The following NLGN1 variants were observed in gnomAD, a reference collection of about 807,000 sequenced individuals.
NLGN1 encodes the protein neuroligin-1.
A neutral mutation model predicts 65.5 loss-of-function variants in NLGN1; 12 were observed. The ratio of observed to expected loss-of-function variants is 0.18; its 90% CI spans 0.12 to 0.30. The LOEUF is 0.30. Among genes scored for constraint, NLGN1 ranks in the 10% least tolerant of loss-of-function variants. NLGN1 has a pLI of 1.00. For missense variants in NLGN1, 750 were observed against 1,007.1 expected (o/e 0.74, Z 3.46); for synonymous variants, 350 against 359.5 (o/e 0.97, Z 0.30).
intron 2 of NLGN1, among the ~76,000 whole-genome samples, chr3:173,553,438 A>G (rs928814913): frequency 1.3e-5 from 2 of 152,204 alleles, no homozygotes; most frequent in African/African-American, 4.8e-5. Flanking sequence ...TTGGTGCCAG[A>G]TAATTGAACT....
At chr3:173,798,575 T>A (rs1236681745) in intron 3 of NLGN1, among the ~76,000 whole-genome samples, 1 of 152,124 alleles carries the variant, frequency 6.6e-6, no homozygotes, top group Non-Finnish European at 1.5e-5. Flanking sequence ...AGGGTCATGT[T>A]AAATAAATGT....
chr3:173,489,654 C>T (rs1454138104), intron 2 of NLGN1, among the ~76,000 whole-genome samples: 5 of 151,998 alleles, frequency 3.3e-5, no homozygotes, highest in South Asian at 2.1e-4. Flanking sequence ...CCTGAGGAAT[C>T]GCCACACTGA....
At chr3:173,852,956 G>A (rs933220632) in intron 4 of NLGN1, among the ~76,000 whole-genome samples, 2 of 152,120 alleles carry the variant, frequency 1.3e-5, no homozygotes, top group Non-Finnish European at 2.9e-5. Flanking sequence ...ACTCTCAAGT[G>A]GGTTTATTTG....
chr3:173,781,741 C>G (rs1180468765), intron 3 of NLGN1, among the ~76,000 whole-genome samples: 1 of 152,002 alleles, frequency 6.6e-6, no homozygotes, highest in Non-Finnish European at 1.5e-5. Flanking sequence ...GCACATTAGC[C>G]CTTGGCATAC....
intron 4 of NLGN1, among the ~76,000 whole-genome samples, chr3:173,839,966 A>G (rs1724471166): frequency 6.6e-6 from 1 of 152,240 alleles, no homozygotes; most frequent in Non-Finnish European, 1.5e-5. Context: ...TCATGCGGCT[A>G]GTGTGGTAGA....
At chr3:174,209,961 T>C (rs922987813) in intron 4 of NLGN1, among the ~76,000 whole-genome samples, 1 of 152,124 alleles carries the variant, frequency 6.6e-6, no homozygotes, top group African/African-American at 2.4e-5. Context: ...GCATCCTCTA[T>C]CACCCTCATC....
chr3:173,495,141 A>G (rs934716726), intron 2 of NLGN1, among the ~76,000 whole-genome samples: 3 of 151,768 alleles, frequency 2.0e-5, no homozygotes, highest in African/African-American at 7.3e-5. Flanking sequence ...GAGTATAACT[A>G]TCTATATCTT....
intron 3 of NLGN1, among the ~76,000 whole-genome samples, chr3:173,770,771 G>A (rs1021015722): frequency 7.2e-5 from 11 of 152,130 alleles, no homozygotes; most frequent in Non-Finnish European, 7.4e-5. Context: ...TCCCAAAAAA[G>A]GCTTGAAGGG....
intron 4 of NLGN1, among the ~76,000 whole-genome samples, chr3:174,267,600 A>G (rs1748532316): frequency 1.3e-5 from 2 of 152,098 alleles, no homozygotes; most frequent in Non-Finnish European, 2.9e-5. Context: ...CATCTCGGAT[A>G]AGCCCCACCC....
intron 4 of NLGN1, among the ~76,000 whole-genome samples, chr3:173,963,168 A>G (rs1018906970): frequency 6.6e-6 from 1 of 152,176 alleles, no homozygotes. Flanking sequence ...CATCAATTCC[A>G]TAGTAAAAGC....
intron 4 of NLGN1, among the ~76,000 whole-genome samples, chr3:173,875,874 T>C (rs183319286): frequency 3.0e-4 from 46 of 152,276 alleles, no homozygotes; most frequent in Middle Eastern, 6.8e-3. Context: ...ACCTCAGATA[T>C]GACTTTGTAA....
At chr3:173,729,486 C>T (rs1325003495) in intron 3 of NLGN1, among the ~76,000 whole-genome samples, 2 of 151,966 alleles carry the variant, frequency 1.3e-5, no homozygotes, top group Non-Finnish European at 2.9e-5. Flanking sequence ...TACCCAGGGA[C>T]ATAAGTTGCG....
intron 3 of NLGN1, among the ~76,000 whole-genome samples, chr3:173,693,204 G>A (rs915767384): frequency 6.6e-6 from 1 of 152,074 alleles, no homozygotes; most frequent in African/African-American, 2.4e-5. Flanking sequence ...TGGTATTGAA[G>A]GAAGTGTTTT....
intron 4 of NLGN1, among the ~76,000 whole-genome samples, chr3:174,240,541 A>T (rs1742591061): frequency 6.6e-6 from 1 of 152,222 alleles, no homozygotes; most frequent in Non-Finnish European, 1.5e-5. Context: ...ATAGGAAAAA[A>T]GTCCGTAAGA....
At chr3:174,137,073 A>G (rs974170941) in intron 4 of NLGN1, among the ~76,000 whole-genome samples, 7 of 152,130 alleles carry the variant, frequency 4.6e-5, no homozygotes, top group African/African-American at 1.4e-4. Context: ...TGAATATCTC[A>G]TGTAATTTAT....
At chr3:174,273,883 T>TTTC (rs1749978628) in intron 4 of NLGN1, among the ~76,000 whole-genome samples, 1 of 151,116 alleles carries the variant, frequency 6.6e-6, no homozygotes, top group Non-Finnish European at 1.5e-5. Context: ...TCCTAGAGAA[T>TTTC]TTCTTATCCA....
chr3:174,088,685 G>A (rs766978346), intron 4 of NLGN1, among the ~76,000 whole-genome samples: 3 of 151,372 alleles, frequency 2.0e-5, no homozygotes, highest in Admixed American at 1.3e-4. Flanking sequence ...CTCGGGAGGC[G>A]GAGCTTGCAG....
At chr3:173,716,603 T>TC (rs1316311898) in intron 3 of NLGN1, among the ~76,000 whole-genome samples, 1 of 152,044 alleles carries the variant, frequency 6.6e-6, no homozygotes, top group African/African-American at 2.4e-5. Context: ...TACTACTTCT[T>TC]CCCGGGGGCT....
At chr3:173,398,379 A>G (rs955530190), upstream of NLGN1, 2 of 152,246 alleles carry the variant, frequency 1.3e-5, no homozygotes, top group East Asian at 1.9e-4. Context: ...CGCGTTGAGC[A>G]ACTAATATAT....
Sources: gnomAD v4.1 joint callset for allele counts (sites outside exome capture counted in the v4.1 genomes callset) on GRCh38, gnomAD v4.1.1 for gene constraint, MANE v1.5 for transcripts, NCBI Gene and HGNC (gene_info 2026-07-23, HGNC 2026-07-21) for gene names.